STK36: variants seen among roughly 807,000 people sequenced by gnomAD.
STK36 encodes serine/threonine kinase 36.
A neutral mutation model predicts 142.2 loss-of-function variants in STK36; 116 were observed. The ratio of observed to expected loss-of-function variants is 0.82; its 90% CI spans 0.70 to 0.95. The LOEUF (loss-of-function observed/expected upper bound fraction) is 0.95. STK36 is among the 40% of genes least tolerant of loss of function. The probability of loss-of-function intolerance (pLI) is 0.00; values close to 1 mark genes in which losing one functional copy is unlikely to be tolerated. For missense variants in STK36, 1,422 were observed against 1,617.2 expected, an observed-to-expected ratio of 0.88 and a Z score of 2.07; for synonymous variants, 619 against 641.7, an observed-to-expected ratio of 0.96 and a Z score of 0.53.
chr2:218,694,205 G>T lies in STK36; in HGVS notation c.2337-59G>T. On this transcript the variant is annotated intron_variant, in intron 19 of 26. Coordinates refer to ENST00000295709, the MANE Select transcript of STK36 (RefSeq NM_015690.5). The surrounding 1 kb of genome is among the most constrained non-coding windows in gnomAD (Gnocchi z 4.4). ...AGAACACCATGCAAGGGAGAGGGGA[G>T]GCCGCTTACCAACCTCCTTTAATAC... is the stretch of plus-strand genomic sequence containing the variant. The T allele has an allele frequency of 6.9e-7, 1 of 1,452,110 alleles. No individual in the cohort carries two copies. The highest frequency in any genetic ancestry group is 1.1e-5 in the South Asian group (1 of 87,694). 90.0% of individuals were successfully genotyped at this position (1,452,110 alleles called of 1,614,324 possible). A position where few individuals can be genotyped will look rare whatever the true frequency, so the allele number is the denominator to read the frequency against.
chr2:218,696,568 C>T lies in STK36; in HGVS notation c.2553C>T (p.Gly851=). 1.2e-6 allele frequency: 2 copies of T among 1,614,148 alleles called. No individual in the cohort carries two copies. ...TPPGSCGFYD[G]LLILLLQLLT... ...CAGGTAGTTGTGGATTCTATGATGG[C>T]CTCCTTATCCTTCTGTTGCAGCTCC... The change falls in exon 22 of 27, where the codon GGC becomes GGT. Residue 851 remains glycine, a synonymous_variant. Coordinates refer to ENST00000295709, the MANE Select transcript of STK36 (RefSeq NM_015690.5).
intron 13 of STK36, 81 bp downstream of exon 13, chr2:218,690,037 G>A (rs1250763597): frequency 2.3e-6 from 3 of 1,291,110 alleles, no homozygotes; most frequent in Admixed American, 4.0e-5. Context: ...TTAGGAACAG[G>A]CCAAGTATGA....
intron 7 of STK36, 98 bp downstream of exon 7, chr2:218,679,359 C>T: frequency 7.4e-7 from 1 of 1,356,324 alleles, no homozygotes; most frequent in Non-Finnish European, 1.0e-6. Context: ...AACATGTCGT[C>T]TTTCCTCCAG....
At chr2:218,692,507 T>A (rs916896409) in intron 15 of STK36, 76 bp from the exon 16 acceptor site, 1 of 1,535,040 alleles carries the variant, frequency 6.5e-7, no homozygotes, top group Non-Finnish European at 8.7e-7. Context: ...CCTGCTGCCA[T>A]GTCGGTGAGT....
At position 218,696,616 on chromosome 2, in the gene STK36, T is replaced by G; in HGVS notation, c.2586+15T>G. The G allele has an allele frequency of 6.2e-7, 1 of 1,613,026 alleles. No individual in the cohort carries two copies. Among genetic ancestry groups the G allele is most frequent in the Non-Finnish European group, 8.5e-7 (1 of 1,179,012 alleles). The stretch of plus-strand genomic sequence containing the variant: ...TCCTCACTGAGGTACAGATGGATCT[T>G]GGGATGGATGGGAAGTAAAGAGAGA... On this transcript the variant is annotated intron_variant, in intron 22 of 26. Transcript: ENST00000295709.
rs373663430 is a variant in STK36, at chr2:218,679,160, C to G, written c.685-8C>G. 3.7e-6 allele frequency: 6 copies of G among 1,613,076 alleles called. No homozygotes were observed. Among genetic ancestry groups the G allele is most frequent in the Non-Finnish European group, 5.1e-6 (6 of 1,179,612 alleles). ...GAATGACTGATGGAATATTTTTTCT[C>G]TCTGTAGAACTTCCTGCAGGGACTG... is the stretch of plus-strand genomic sequence containing the variant. On this transcript the variant is annotated splice_region_variant and splice_polypyrimidine_tract_variant and intron_variant, in intron 6 of 26. Coordinates refer to ENST00000295709, the MANE Select transcript of STK36 (RefSeq NM_015690.5).
In STK36 at chr2:218,701,931, A is replaced by G. The variant is rs1360887897; in HGVS notation, c.3870A>G (p.Pro1290=). 1.2e-6 allele frequency: 2 copies of G among 1,614,164 alleles called. No individual in the cohort carries two copies. Among genetic ancestry groups the G allele is most frequent in the South Asian group, 2.2e-5 (2 of 91,078 alleles). ...TCTCTCTGGGGAATCAGTCACTGCC[A>G]CACAGCAGTCCTAGGCCTGCCTCTG... is the stretch of plus-strand genomic sequence containing the variant. The part of the protein sequence containing the change: ...SLLSLGNQSL[P]HSSPRPASAK... The change falls in exon 27 of 27, where the codon CCA becomes CCG. Residue 1290 remains proline (P), a synonymous_variant. Transcript: ENST00000295709.
In STK36 at chr2:218,676,187, C is replaced by T. The variant is rs369919503; in HGVS notation, c.593C>T (p.Pro198Leu). 2 of 1,614,204 alleles carry T rather than the reference C, an allele frequency of 1.2e-6. No homozygotes were observed. Among genetic ancestry groups the T allele is most frequent in the Non-Finnish European group, 1.7e-6 (2 of 1,180,046 alleles). Residue 198 changes from proline to leucine, a missense_variant, in exon 6 of 27, where the codon CCT (proline) becomes CTT (leucine). Pro to Leu is a moderately conservative substitution (Grantham distance 98). Coordinates refer to ENST00000295709, the MANE Select transcript of STK36 (RefSeq NM_015690.5). Reference sequence around the variant, plus strand: ...CTATATGAACTGGCAGTAGGCACCCCTCCCTTCTATGCTACAAGCATCTTT... The same window carrying T: ...CTATATGAACTGGCAGTAGGCACCCTTCCCTTCTATGCTACAAGCATCTTT... The part of the protein sequence containing the change: ...CILYELAVGT[P>L]PFYATSIFQL...
rs773645574 is a variant in STK36, at chr2:218,679,993, A to C, written c.1049A>C (p.Glu350Ala). ...CCCAGACTCGGGGCCACTCCTCAGG[A>C]ATCAAGCCTCCTGGCCGGGATCTTA... is the stretch of plus-strand genomic sequence containing the variant. ...PLPRLGATPQ[E>A]SSLLAGILAS... Residue 350 changes from glutamate to alanine, a missense_variant, in exon 9 of 27, where the codon GAA becomes GCA. Physicochemically the swap from Glu to Ala is moderately radical, Grantham distance 107. Coordinates refer to ENST00000295709, the MANE Select transcript of STK36 (RefSeq NM_015690.5). 2.0e-5 allele frequency: 32 copies of C among 1,614,048 alleles called. No individual in the cohort carries two copies. The highest frequency in any genetic ancestry group is 2.7e-5 in the Non-Finnish European group (32 of 1,180,014).
At chr2:218,693,605 A>G in intron 17 of STK36, 118 bp from the exon 18 acceptor site, 1 of 998,434 alleles carries the variant, frequency 1.0e-6, no homozygotes, top group Non-Finnish European at 1.5e-6. Context: ...GTTCTCTCAC[A>G]CTCCCAAGTG....
Position 218,697,974 on chromosome 2 carries a change from C to A in STK36, c.3030C>A (p.Asp1010Glu). 5.0e-6 allele frequency: 8 copies of A among 1,614,194 alleles called. No individual in the cohort carries two copies. The highest frequency in any genetic ancestry group is 5.9e-6 in the Non-Finnish European group (7 of 1,180,040). ...LLIGVLADLR[D>E]SEVAAHLLQV... ...TAGGTGTCTTGGCCGACCTCAGGGA[C>A]TCAGAAGTTGCAGCCCATCTGCTGC... Residue 1010 changes from aspartate (D) to glutamate (E), a missense_variant, in exon 25 of 27, where the codon GAC (aspartate) becomes GAA (glutamate). Physicochemically the swap from Asp to Glu is conservative, Grantham distance 45. Transcript: ENST00000295709.
chr2:218,676,340 T>C (rs1940245443), intron 6 of STK36, 62 bp downstream of exon 6: 2 of 1,581,582 alleles, frequency 1.3e-6, no homozygotes, highest in African/African-American at 2.7e-5. Context: ...CTATCTCTGT[T>C]CCTTTTTCCA....
At chr2:218,700,364 G>A (rs987969560) in intron 26 of STK36, among the ~76,000 whole-genome samples, 1 of 151,862 alleles carries the variant, frequency 6.6e-6, no homozygotes, top group African/African-American at 2.4e-5. Context: ...CACCATGCCC[G>A]GCTAATCTTT....
In STK36 at chr2:218,680,002, T is replaced by A. The variant is rs766660036; in HGVS notation, c.1058T>A (p.Leu353His). ...GGGGCCACTCCTCAGGAATCAAGCC[T>A]CCTGGCCGGGATCTTAGCCTCAGAA... is the stretch of plus-strand genomic sequence containing the variant. ...RLGATPQESS[L>H]LAGILASELK... Residue 353 changes from leucine (L) to histidine (H), a missense_variant, in exon 9 of 27, where the codon CTC becomes CAC. Leu to His is a moderately conservative substitution (Grantham distance 99). This residue lies in a region of STK36 where 460 missense variants were observed against 449.6 expected (regional missense o/e 1.02). Coordinates refer to ENST00000295709, the MANE Select transcript of STK36 (RefSeq NM_015690.5). The A allele has an allele frequency of 6.2e-7, 1 of 1,614,116 alleles. No individual in the cohort carries two copies. The highest frequency in any genetic ancestry group is 1.1e-5 in the South Asian group (1 of 91,080).
chr2:218,679,765 G>A (rs1366271545), intron 8 of STK36, 36 bp downstream of exon 8: 1 of 1,613,192 alleles, frequency 6.2e-7, no homozygotes. Context: ...GAAATGACCA[G>A]GCTAGTGACT....
chr2:218,698,667 C>T lies in STK36; in HGVS notation c.3123C>T (p.Ala1041=). The change falls in exon 26 of 27, where the codon GCC becomes GCT. Residue 1041 remains alanine, a synonymous_variant. Transcript: ENST00000295709. Reference sequence around the variant, plus strand: ...CCATCAGCCTTCTCACACGCCTGGCCCTCATGGATCCCACCTCTCTCAACC... The same window carrying T: ...CCATCAGCCTTCTCACACGCCTGGCTCTCATGGATCCCACCTCTCTCAACC... ...ELPISLLTRL[A]LMDPTSLNQF... is the part of the protein sequence containing the mutation. The T allele has an allele frequency of 6.2e-7, 1 of 1,614,194 alleles. No individual in the cohort carries two copies. Among genetic ancestry groups the T allele is most frequent in the East Asian group, 2.2e-5 (1 of 44,878 alleles).
intron 16 of STK36, 139 bp downstream of exon 16, chr2:218,692,849 G>T: frequency 8.2e-7 from 1 of 1,224,344 alleles, no homozygotes; most frequent in African/African-American, 1.5e-5. Context: ...CTCCCACCCT[G>T]GGCCATTTGT....
chr2:218,687,530 T>C (rs1431928642), intron 11 of STK36, among the ~76,000 whole-genome samples: 3 of 152,198 alleles, frequency 2.0e-5, no homozygotes, highest in African/African-American at 4.8e-5. Context: ...TTGAATTGGC[T>C]TGGCACTTTG....
At chr2:218,696,378 C>A in intron 21 of STK36, 149 bp from the exon 22 acceptor site, 1 of 651,714 alleles carries the variant, frequency 1.5e-6, no homozygotes, top group East Asian at 2.7e-5. Context: ...TATTCCCCCA[C>A]CGAAATGGTT....
Sources: allele counts gnomAD v4.1 joint callset (sites outside exome capture counted in the v4.1 genomes callset), GRCh38; gene constraint gnomAD v4.1.1; regional missense constraint gnomAD v4.1.1; non-coding constraint Gnocchi (gnomAD v3.1); transcripts MANE v1.5; gene names NCBI Gene and HGNC (gene_info 2026-07-23, HGNC 2026-07-21).